DST: variants seen among roughly 807,000 people sequenced by gnomAD.
DST encodes the protein dystonin.
Under a neutral mutation model 875.2 loss-of-function variants are expected in DST, and 253 were observed. That is an observed-to-expected ratio of 0.29 (90% CI 0.26 to 0.32). DST has a LOEUF of 0.32. Ranked by LOEUF, DST falls within the 10% of genes least tolerant of loss-of-function variation. The pLI, the probability that DST is intolerant of heterozygous loss-of-function variation, is 1.00. For synonymous variants in DST, 3,124 were observed against 3,197.1 expected, an observed-to-expected ratio of 0.98 and a Z score of 0.77; for missense variants, 8,287 against 9,111.6, an observed-to-expected ratio of 0.91 and a Z score of 3.68.
intron 4 of DST, among the ~76,000 whole-genome samples, chr6:56,823,633 T>A (rs2099775783): frequency 6.6e-6 from 1 of 152,064 alleles, no homozygotes; most frequent in South Asian, 2.1e-4. Context: ...ATGGTCTCGA[T>A]CTCTTGACCT....
intron 2 of DST, among the ~76,000 whole-genome samples, chr6:56,917,095 ACAGCAGAAAG>A (rs1801635367): frequency 1.3e-5 from 2 of 151,164 alleles, no homozygotes; most frequent in South Asian, 4.2e-4. Context: ...GAGGATACAC[ACAGCAGAAAG>A]GACTGACCAC....
rs76392206 is a variant in DST, at chr6:56,533,343, C to T, written c.16942-833G>A. On this transcript the variant is annotated intron_variant, in intron 63 of 103. Coordinates refer to ENST00000680361, the MANE Select transcript of DST (RefSeq NM_001374736.1). ...ACTGTGCTACCAGCAATGAGGAAGGCGTAAGTGTATGAAACACTATGCTTC... is the reference window on the plus strand; with the variant it reads ...ACTGTGCTACCAGCAATGAGGAAGGTGTAAGTGTATGAAACACTATGCTTC... Among the ~76,000 whole-genome samples the T allele has an allele frequency of 4.1e-4, 63 of 152,290 alleles. 1 individual carries two copies. The highest frequency in any genetic ancestry group is 1.2e-3 in the African/African-American group (48 of 41,558).
chr6:56,801,105 T>C (rs2099746245), intron 4 of DST, among the ~76,000 whole-genome samples: 1 of 152,144 alleles, frequency 6.6e-6, no homozygotes, highest in African/African-American at 2.4e-5. Flanking sequence ...TTCAAACTTT[T>C]TACATTATGT....
At chr6:56,590,645 T>C (rs1033068301) in intron 49 of DST, among the ~76,000 whole-genome samples, 3 of 152,054 alleles carry the variant, frequency 2.0e-5, no homozygotes, top group African/African-American at 7.2e-5. Context: ...AAAATGCACA[T>C]TGGAAAAAAG....
At chr6:56,641,911 A>G (rs751476158) in intron 17 of DST, 36 bp downstream of exon 17, 24 of 1,544,684 alleles carry the variant, frequency 1.6e-5, no homozygotes, top group African/African-American at 1.4e-5. Flanking sequence ...CAGTTACACA[A>G]AAAAAGGACA....
intron 61 of DST, among the ~76,000 whole-genome samples, chr6:56,549,314 A>G (rs761337101): frequency 3.9e-5 from 6 of 152,218 alleles, no homozygotes; most frequent in African/African-American, 9.6e-5. Context: ...TTCAAAGTCA[A>G]TAAGGAAGAC....
At chr6:56,886,815 G>A (rs1375344938) in intron 3 of DST, among the ~76,000 whole-genome samples, 1 of 148,466 alleles carries the variant, frequency 6.7e-6, no homozygotes. Context: ...AAACATTACT[G>A]TCATTTCTAG....
intron 10 of DST, among the ~76,000 whole-genome samples, chr6:56,653,303 G>A (rs1485210194): frequency 1.3e-5 from 2 of 152,096 alleles, no homozygotes; most frequent in Non-Finnish European, 2.9e-5. Flanking sequence ...CACTTTAATG[G>A]AACAAAAACT....
At chr6:56,693,483 G>C in intron 9 of DST, 1 of 846,266 alleles carries the variant, frequency 1.2e-6, no homozygotes, top group Non-Finnish European at 1.4e-6. Flanking sequence ...AGAAGATTAT[G>C]ACTGTTTTTA....
chr6:56,585,433 T>A (rs2152666285), intron 49 of DST, among the ~76,000 whole-genome samples: 1 of 152,310 alleles, frequency 6.6e-6, no homozygotes, highest in South Asian at 2.1e-4. Context: ...GTGGGATTGG[T>A]GGTGATATCC....
chr6:56,929,085 A>G (rs1808755162), intron 2 of DST, among the ~76,000 whole-genome samples: 1 of 152,192 alleles, frequency 6.6e-6, no homozygotes, highest in Non-Finnish European at 1.5e-5. Flanking sequence ...CAACTAAAAG[A>G]GTATACCAAT....
At chr6:56,588,008 G>A (rs1403386188) in intron 49 of DST, among the ~76,000 whole-genome samples, 1 of 151,278 alleles carries the variant, frequency 6.6e-6, no homozygotes, top group Admixed American at 6.6e-5. Context: ...ATCAACTAAC[G>A]AGCAAAATAA....
intron 2 of DST, among the ~76,000 whole-genome samples, 157 bp from the exon 3 acceptor site, chr6:56,900,778 TAA>T (rs1793675510): frequency 1.3e-5 from 2 of 151,458 alleles, no homozygotes; most frequent in South Asian, 2.1e-4. Flanking sequence ...ACGTGCAAGT[TAA>T]GTTTTCCCCA....
rs554924483 is a variant in DST, at chr6:56,935,926, A to G, written c.216+17859T>C. 9.2e-5 allele frequency among the ~76,000 whole-genome samples: 14 copies of G among 152,326 alleles called. No individual in the cohort carries two copies. The East Asian group carries it at 2.1e-3, about 23-fold the overall frequency. On this transcript the variant is annotated intron_variant, in intron 2 of 103. Transcript: ENST00000680361. ...GTGACAGAACGAGACTCTGTCTCAA[A>G]AAGAGAAAAAAGAAAAACAAAAAGA... is the stretch of plus-strand genomic sequence containing the variant.
chr6:56,781,069 T>G (rs935264937), intron 4 of DST, among the ~76,000 whole-genome samples: 4 of 151,992 alleles, frequency 2.6e-5, no homozygotes, highest in African/African-American at 9.7e-5. Flanking sequence ...GGCTCTGTTC[T>G]GTCCATTGAT....
At position 56,609,019 on chromosome 6, in the gene DST, A is replaced by G; in HGVS notation, c.5609T>C (p.Ile1870Thr). The G allele has an allele frequency of 1.9e-6, 3 of 1,613,888 alleles. No homozygotes were observed. The African/African-American group carries it at 4.0e-5, about 22-fold the overall frequency. The change falls in exon 40 of 104, where the codon ATC becomes ACC. Residue 1870 changes from isoleucine to threonine, a missense_variant. Physicochemically the swap from Ile to Thr is moderately conservative, Grantham distance 89 (BLOSUM62 -1). Transcript: ENST00000680361. ...AGAAAGCAGTATCTCAAGAACTTTG[A>G]TGGCCATGGATTCTGTTATCATGCT... ...AQSMITESMAIKVLEILLSTG... is the reference protein window; with the variant it reads ...AQSMITESMATKVLEILLSTG...
At chr6:56,602,283 C>A (rs1024441891) in intron 43 of DST, among the ~76,000 whole-genome samples, 2 of 151,518 alleles carry the variant, frequency 1.3e-5, no homozygotes, top group Non-Finnish European at 1.5e-5. Flanking sequence ...CATAAGATTA[C>A]AATGCCTTAT....
chr6:56,797,094 AT>A (rs1404376099), intron 4 of DST, among the ~76,000 whole-genome samples: 4 of 152,144 alleles, frequency 2.6e-5, no homozygotes, highest in Non-Finnish European at 4.4e-5. Context: ...TATTTTGGTA[AT>A]TCTCACAATA....
Position 56,616,374 on chromosome 6 carries a change from T to C in DST, c.4930-1890A>G, listed in dbSNP as rs181212502. The C allele has an allele frequency of 3.6e-5, 58 of 1,613,734 alleles. No individual in the cohort carries two copies. In the East Asian group the frequency reaches 1.3e-3, roughly 35 times the overall value. On this transcript the variant is annotated intron_variant, in intron 36 of 103. Coordinates refer to ENST00000680361, the MANE Select transcript of DST (RefSeq NM_001374736.1). ...TGCTGCCCTGAAAGTTCAAGATATA[T>C]ACTTTTCTCAATCAGGTTTCTCTGG...
Sources: allele counts gnomAD v4.1 joint callset (sites outside exome capture counted in the v4.1 genomes callset), GRCh38; gene constraint gnomAD v4.1.1; transcripts MANE v1.5; gene names NCBI Gene and HGNC (gene_info 2026-07-23, HGNC 2026-07-21).